GATA3: variants seen among roughly 807,000 people sequenced by gnomAD.
GATA3 encodes the protein trans-acting T-cell-specific transcription factor GATA-3.
In GATA3, 6 loss-of-function variants were observed where a neutral mutation model predicts 36.0. The ratio of observed to expected loss-of-function variants is 0.17; its 90% CI spans 0.09 to 0.33. The LOEUF (loss-of-function observed/expected upper bound fraction) is 0.33. Ranked by LOEUF, GATA3 falls within the 10% of genes least tolerant of loss-of-function variation. The pLI is 1.00. For synonymous variants in GATA3, 326 were observed against 273.0 expected (o/e 1.19, Z -1.92); for missense variants, 514 against 610.1 (o/e 0.84, Z 1.66).
chr10:8,068,098 T>A (rs1357445758), intron 4 of GATA3, among the ~76,000 whole-genome samples: 1 of 152,174 alleles, frequency 6.6e-6, no homozygotes, highest in African/African-American at 2.4e-5. Flanking sequence ...TTCCAATGGT[T>A]TTTTTCAGTT....
upstream of GATA3, among the ~76,000 whole-genome samples, chr10:8,049,943 C>T (rs1385279778): frequency 1.3e-5 from 2 of 152,186 alleles, no homozygotes; most frequent in African/African-American, 2.4e-5. Context: ...CGCTGGGGAC[C>T]TCCGCGGCGG....
intron 3 of GATA3, among the ~76,000 whole-genome samples, chr10:8,059,188 G>A (rs568696011): frequency 2.0e-5 from 3 of 152,324 alleles, no homozygotes; most frequent in East Asian, 3.9e-4. Flanking sequence ...ATGGAAGGCC[G>A]AGGGAATAAT....
rs544793165 is a variant in GATA3 at position 8,064,753 on chromosome 10, A to G, written c.924+615A>G. ...TGGTCTCAGCATTTGAGAACTTTCC[A>G]CAGGCAATTCCTATGGGAAACGTCG... On this transcript the variant is annotated intron_variant, in intron 4 of 5. Transcript: ENST00000379328. Among the ~76,000 whole-genome samples the G allele has an allele frequency of 3.9e-5, 6 of 152,296 alleles. No individual in the cohort carries two copies. The East Asian group carries it at 1.2e-3, about 29-fold the overall frequency.
chr10:8,054,478 C>T (rs1027401756), upstream of GATA3, among the ~76,000 whole-genome samples: 1 of 151,884 alleles, frequency 6.6e-6, no homozygotes, highest in African/African-American at 2.4e-5. The surrounding 1 kb of genome is among the most constrained non-coding windows in gnomAD (Gnocchi z 4.2). Flanking sequence ...CCGCCGGCGG[C>T]CGCCCTCTGC....
chr10:8,064,309 TTC>T (rs377579449), intron 4 of GATA3, among the ~76,000 whole-genome samples, 171 bp downstream of exon 4: 60 of 37,080 alleles, frequency 1.6e-3, no homozygotes, highest in African/African-American at 2.8e-3. Context: ...TTTCTTCTTC[TTC>T]TTTTTTTTTT....
At position 8,063,884 on chromosome 10, in the gene GATA3, G is replaced by A; in HGVS notation, c.779-109G>A. The A allele has an allele frequency of 2.0e-6, 3 of 1,481,346 alleles. No homozygotes were observed. In the South Asian group the frequency reaches 3.4e-5, roughly 17 times the overall value. The allele number at this position is 1,481,346 out of a possible 1,614,324, so 91.8% of individuals were successfully genotyped here. A position where few individuals can be genotyped will look rare whatever the true frequency, so the allele number is the denominator to read the frequency against. On this transcript the variant is annotated intron_variant, in intron 3 of 5. Transcript: ENST00000379328. ...TGGACACGCTCCCCAAAAGAGGAGG[G>A]AGAAGGAAAAAAGTTCTCCATTTTA...
chr10:8,068,347 G>A (rs993443040), intron 4 of GATA3, among the ~76,000 whole-genome samples: 8 of 152,188 alleles, frequency 5.3e-5, no homozygotes, highest in Non-Finnish European at 1.0e-4. Flanking sequence ...CAGGGTTCCT[G>A]ATGAGTGGCA....
rs2131523917 is a variant in GATA3, at chr10:8,074,122, G to A, written c.*99G>A. On this transcript the variant is annotated 3_prime_UTR_variant, in exon 6 of 6. Transcript: ENST00000379328. ...CAGTATCATGAAGCCTAAACGCGAT[G>A]GATATATGTTTTTGAAGGCAGAAAG... The A allele has an allele frequency of 4.4e-6, 6 of 1,370,278 alleles. No homozygotes were observed. The East Asian group carries it at 7.2e-5, about 16-fold the overall frequency. The allele number at this position is 1,370,278 out of a possible 1,614,324, so 84.9% of individuals were successfully genotyped here.
chr10:8,060,923 C>A (rs1202158859), intron 3 of GATA3, among the ~76,000 whole-genome samples: 3 of 151,946 alleles, frequency 2.0e-5, no homozygotes, highest in East Asian at 1.9e-4. Context: ...TCGTGAAAAC[C>A]GAGAACAGCA....
intron 4 of GATA3, among the ~76,000 whole-genome samples, chr10:8,069,085 G>A (rs1317319769): frequency 6.6e-5 from 10 of 152,198 alleles, no homozygotes; most frequent in Admixed American, 5.9e-4. Context: ...GGTGAAAAAG[G>A]CAACTGAAAG....
chr10:8,074,094 G>A lies in GATA3; in HGVS notation c.*71G>A, dbSNP rs2131523870. 1 of 1,552,440 alleles carries A rather than the reference G, an allele frequency of 6.4e-7. No individual in the cohort carries two copies. Among genetic ancestry groups the A allele is most frequent in the Non-Finnish European group, 8.8e-7 (1 of 1,138,006 alleles). ...TCCCTTTCGACTTGCATTTTTGCAG[G>A]AGCAGTATCATGAAGCCTAAACGCG... is the stretch of plus-strand genomic sequence containing the variant. On this transcript the variant is annotated 3_prime_UTR_variant, in exon 6 of 6. Coordinates refer to ENST00000379328, the MANE Select transcript of GATA3 (RefSeq NM_001002295.2).
At chr10:8,050,705 G>A, upstream of GATA3, 1 of 252,484 alleles carries the variant, frequency 4.0e-6, no homozygotes, top group South Asian at 3.6e-5. Flanking sequence ...GCTCGGCTCG[G>A]CTCCGCTTCT....
chr10:8,073,659 C>T lies in GATA3; in HGVS notation c.1051-80C>T, dbSNP rs905066922. On this transcript the variant is annotated intron_variant, in intron 5 of 5. Coordinates refer to ENST00000379328, the MANE Select transcript of GATA3 (RefSeq NM_001002295.2). Reference sequence around the variant, plus strand: ...CTGATCCGGGGCGGTCAGTGGAACCCTTCTTGGTGTGCGAGAGCCTGTGCA... The same window carrying T: ...CTGATCCGGGGCGGTCAGTGGAACCTTTCTTGGTGTGCGAGAGCCTGTGCA... 29 of 1,476,828 alleles carry T rather than the reference C, an allele frequency of 2.0e-5. No individual in the cohort carries two copies. In the African/African-American group the frequency reaches 2.3e-4, roughly 12 times the overall value. The allele number at this position is 1,476,828 out of a possible 1,614,324, so 91.5% of individuals were successfully genotyped here. A position where few individuals can be genotyped will look rare whatever the true frequency, so the allele number is the denominator to read the frequency against.
rs1208674012 is a variant in GATA3 at position 8,055,916 on chromosome 10, C to T, written c.241+20C>T. 1.9e-6 allele frequency: 3 copies of T among 1,550,830 alleles called. No homozygotes were observed. Among genetic ancestry groups the T allele is most frequent in the Non-Finnish European group, 2.6e-6 (3 of 1,147,088 alleles). On this transcript the variant is annotated intron_variant, in intron 2 of 5. Transcript: ENST00000379328. This position sits in a 1 kb window ranked among gnomAD's most constrained non-coding sequence, Gnocchi z 5.4. Reference sequence around the variant, plus strand: ...ACCACGGTGAGTGCGCCCGGGGTGCCGGGGCTCCCGCCGGCCGCTTCAGCC... The same window carrying T: ...ACCACGGTGAGTGCGCCCGGGGTGCTGGGGCTCCCGCCGGCCGCTTCAGCC...
intron 5 of GATA3, among the ~76,000 whole-genome samples, chr10:8,073,341 T>C (rs530543110): frequency 3.3e-5 from 5 of 152,196 alleles, no homozygotes; most frequent in African/African-American, 1.2e-4. Flanking sequence ...CTTAACCACC[T>C]AGAGGCTGAT....
intron 4 of GATA3, among the ~76,000 whole-genome samples, 170 bp downstream of exon 4, chr10:8,064,308 C>CTT (rs1315616378): frequency 2.8e-4 from 32 of 114,138 alleles, no homozygotes; most frequent in African/African-American, 3.9e-4. Flanking sequence ...TTTTCTTCTT[C>CTT]TTCTTTTTTT....
At chr10:8,052,075 A>G (rs1832509327), upstream of GATA3, among the ~76,000 whole-genome samples, 1 of 152,148 alleles carries the variant, frequency 6.6e-6, no homozygotes, top group African/African-American at 2.4e-5. Context: ...GGCCATCAAA[A>G]GAGCAACGTC....
intron 4 of GATA3, 145 bp from the exon 5 acceptor site, chr10:8,069,328 T>C: frequency 2.4e-6 from 2 of 833,176 alleles, no homozygotes; most frequent in Non-Finnish European, 2.0e-6. Context: ...GGATCTGTAT[T>C]ACTTTCATGT....
In GATA3 at chr10:8,069,459, C is replaced by G; in HGVS notation, c.925-14C>G. On this transcript the variant is annotated splice_polypyrimidine_tract_variant and intron_variant, in intron 4 of 5. Coordinates refer to ENST00000379328, the MANE Select transcript of GATA3 (RefSeq NM_001002295.2). ...TTGTTTTGATTTCACCCTCTCCTCTCTCCCCACTCTCAGTCTGCAGCCAGG... is the reference window on the plus strand; with the variant it reads ...TTGTTTTGATTTCACCCTCTCCTCTGTCCCCACTCTCAGTCTGCAGCCAGG... The G allele has an allele frequency of 6.2e-7, 1 of 1,612,540 alleles. No individual in the cohort carries two copies. The highest frequency in any genetic ancestry group is 8.5e-7 in the Non-Finnish European group (1 of 1,179,066).
Sources: gnomAD v4.1 joint callset for allele counts (sites outside exome capture counted in the v4.1 genomes callset) on GRCh38, gnomAD v4.1.1 for gene constraint, Gnocchi (gnomAD v3.1) non-coding constraint, MANE v1.5 for transcripts, NCBI Gene and HGNC (gene_info 2026-07-23, HGNC 2026-07-21) for gene names.